The following TEX14 variants were observed in gnomAD, a reference collection of about 807,000 sequenced individuals.
The protein encoded by TEX14 is inactive serine/threonine-protein kinase TEX14.
TEX14 carries 168 observed loss-of-function variants against 178.6 expected under a neutral mutation model. The ratio of observed to expected loss-of-function variants is 0.94; its 90% confidence interval spans 0.83 to 1.07. The LOEUF is 1.07. TEX14 is among the 50% of genes least tolerant of loss of function. The pLI is 0.00. For synonymous variants in TEX14, 626 were observed against 634.1 expected, an observed-to-expected ratio of 0.99 and a Z score of 0.19; for missense variants, 1,730 against 1,753.6, an observed-to-expected ratio of 0.99 and a Z score of 0.24.
chr17:58,611,160 C>T lies in TEX14; in HGVS notation c.1184+1G>A. The stretch of plus-strand genomic sequence containing the variant: ...AAAGTCCCACTCCATGTTATGCCCA[C>T]CTTTCCAACATGTACTCCAGGTTGG... On this transcript the variant is annotated splice_donor_variant, in intron 10 of 31. Coordinates refer to ENST00000349033, the MANE Select transcript of TEX14 (RefSeq NM_031272.5). LOFTEE classifies it high-confidence loss of function. 1 of 1,612,222 alleles carries T rather than the reference C, an allele frequency of 6.2e-7. No homozygotes were observed. Among genetic ancestry groups the T allele is most frequent in the African/African-American group, 1.3e-5 (1 of 74,986 alleles).
intron 11 of TEX14, among the ~76,000 whole-genome samples, chr17:58,603,547 T>TC (rs1029103933): frequency 1.8e-4 from 18 of 99,674 alleles, no homozygotes; most frequent in African/African-American, 7.1e-4. Flanking sequence ...AGAGTAAGAC[T>TC]CCATCTTAAA....
At chr17:58,612,221 G>C (rs1057353572) in intron 9 of TEX14, among the ~76,000 whole-genome samples, 2 of 152,170 alleles carry the variant, frequency 1.3e-5, no homozygotes, top group African/African-American at 4.8e-5. Context: ...AATAAAGCCA[G>C]TGGCTGCTGG....
At chr17:58,651,779 T>C in intron 2 of TEX14, 87 bp downstream of exon 2, 4 of 1,301,094 alleles carry the variant, frequency 3.1e-6, no homozygotes, top group Non-Finnish European at 4.2e-6. Context: ...CAAGGACTCA[T>C]TCATACCTTT....
In TEX14 at chr17:58,559,486, T is replaced by TC. The variant is rs777876944; in HGVS notation, c.4233dup (p.Lys1412GlufsTer10). The TC allele has an allele frequency of 6.4e-7, 1 of 1,552,898 alleles. No homozygotes were observed. The highest frequency in any genetic ancestry group is 8.9e-7 in the Non-Finnish European group (1 of 1,125,990). ...GAAGTCCCTAGAACACCCTCTGATTTCCTTCTTTCTGGTGTAATGCTATCT... is the reference window on the plus strand; with the variant it reads ...GAAGTCCCTAGAACACCCTCTGATTTCCCTTCTTTCTGGTGTAATGCTATCT... On this transcript the variant is annotated frameshift_variant, in exon 30 of 32. Coordinates refer to ENST00000349033, the MANE Select transcript of TEX14 (RefSeq NM_031272.5). LOFTEE classifies it high-confidence loss of function.
intron 27 of TEX14, among the ~76,000 whole-genome samples, chr17:58,565,208 T>G (rs1362078734): frequency 6.6e-6 from 1 of 152,152 alleles, no homozygotes; most frequent in Non-Finnish European, 1.5e-5. Context: ...CAGGAAACCT[T>G]GCTTGTGCCA....
At chr17:58,623,700 A>G (rs1011036777) in intron 3 of TEX14, among the ~76,000 whole-genome samples, 1 of 151,878 alleles carries the variant, frequency 6.6e-6, no homozygotes, top group Admixed American at 6.6e-5. Flanking sequence ...TTCTCTCTTT[A>G]ACTGAAAAAG....
intron 1 of TEX14, among the ~76,000 whole-genome samples, chr17:58,678,707 G>C (rs1403210993): frequency 1.3e-5 from 2 of 151,870 alleles, no homozygotes; most frequent in Non-Finnish European, 2.9e-5. Context: ...ATAGCATTAG[G>C]AGACATACCT....
chr17:58,691,151 C>T (rs144107228), intron 1 of TEX14, among the ~76,000 whole-genome samples: 64 of 152,136 alleles, frequency 4.2e-4, no homozygotes, highest in Admixed American at 1.6e-3. Context: ...CCACTGCGCC[C>T]GGCCAGCTTT....
intron 2 of TEX14, among the ~76,000 whole-genome samples, chr17:58,650,361 G>C (rs2046814686): frequency 6.6e-6 from 1 of 152,014 alleles, no homozygotes; most frequent in African/African-American, 2.4e-5. Context: ...CCAAGAAGCA[G>C]AGTTTTACAA....
intron 16 of TEX14, 33 bp downstream of exon 16, chr17:58,587,863 C>T: frequency 1.3e-6 from 2 of 1,501,570 alleles, no homozygotes; most frequent in Non-Finnish European, 1.9e-6. Flanking sequence ...ACCCCCGCTC[C>T]ACCACCAGTT....
chr17:58,615,411 G>C, intron 7 of TEX14, 66 bp from the exon 8 acceptor site: 1 of 965,514 alleles, frequency 1.0e-6, no homozygotes, highest in South Asian at 1.3e-5. Context: ...CAATGAATAA[G>C]CTTTCCTAAG....
chr17:58,609,276 AT>A (rs2045689325), intron 10 of TEX14, among the ~76,000 whole-genome samples: 1 of 151,954 alleles, frequency 6.6e-6, no homozygotes, highest in African/African-American at 2.4e-5. Flanking sequence ...CGCCCGGCTA[AT>A]TTTTTGTATT....
At chr17:58,602,239 G>A (rs2045470865) in intron 12 of TEX14, among the ~76,000 whole-genome samples, 161 bp downstream of exon 12, 1 of 152,148 alleles carries the variant, frequency 6.6e-6, no homozygotes, top group South Asian at 2.1e-4. Flanking sequence ...CTTTCACCAA[G>A]TTAAGCAGTT....
At chr17:58,597,766 CACTG>C (rs1256014688) in intron 14 of TEX14, among the ~76,000 whole-genome samples, 2 of 152,212 alleles carry the variant, frequency 1.3e-5, no homozygotes, top group African/African-American at 4.8e-5. Context: ...CTCATTCCTT[CACTG>C]ACTATTTACT....
intron 2 of TEX14, chr17:58,631,577 C>T (rs781188309): frequency 1.1e-4 from 16 of 151,524 alleles, no homozygotes; most frequent in Admixed American, 6.6e-5. Context: ...TAACCTTATA[C>T]TCAAAAATTA....
chr17:58,563,816 A>G (rs181239169), intron 28 of TEX14, among the ~76,000 whole-genome samples: 1,736 of 100,244 alleles, frequency 0.017, 40 homozygotes, highest in African/African-American at 0.054. Context: ...ACACAGACAC[A>G]CACACACACA....
chr17:58,654,086 G>A (rs1269600231), intron 1 of TEX14, among the ~76,000 whole-genome samples: 2 of 152,194 alleles, frequency 1.3e-5, no homozygotes, highest in Non-Finnish European at 2.9e-5. Context: ...ACTGAGGCGG[G>A]AGAATGGCGT....
At chr17:58,565,270 G>A (rs190600701) in intron 27 of TEX14, among the ~76,000 whole-genome samples, 59 of 152,314 alleles carry the variant, frequency 3.9e-4, no homozygotes, top group African/African-American at 1.4e-3. Flanking sequence ...CATAAAAGAG[G>A]AGGCAAGCAA....
At chr17:58,659,189 A>C (rs896120385) in intron 1 of TEX14, 5 of 208,240 alleles carry the variant, frequency 2.4e-5, no homozygotes, top group African/African-American at 1.2e-4. Flanking sequence ...ACCACAAGTT[A>C]TGCAGCCGAG....
Sources: allele counts gnomAD v4.1 joint callset (sites outside exome capture counted in the v4.1 genomes callset), GRCh38; gene constraint gnomAD v4.1.1; transcripts MANE v1.5; gene names NCBI Gene and HGNC (gene_info 2026-07-23, HGNC 2026-07-21).